SMG7: variants seen among roughly 807,000 people sequenced by gnomAD.
SMG7 encodes the protein nonsense-mediated mRNA decay factor SMG7.
Under a neutral mutation model 148.2 loss-of-function variants are expected in SMG7, and 34 were observed. The observed-to-expected ratio is 0.23, with a 90% CI of 0.17 to 0.31. The LOEUF (loss-of-function observed/expected upper bound fraction) is 0.31. Ranked by LOEUF, SMG7 falls within the 10% of genes least tolerant of loss-of-function variation. SMG7 has a pLI of 1.00. For synonymous variants in SMG7, 492 were observed against 515.1 expected (o/e 0.96, Z 0.61); for missense variants, 1,114 against 1,408.4 (o/e 0.79, Z 3.35).
intron 10 of SMG7, among the ~76,000 whole-genome samples, chr1:183,536,754 C>G (rs1182634624): frequency 1.3e-5 from 2 of 152,150 alleles, no homozygotes; most frequent in Admixed American, 1.3e-4. Flanking sequence ...GATTAAAGAA[C>G]TAACAGCGGC....
In SMG7 at chr1:183,553,559, T is replaced by C. The variant is rs1302183761; in HGVS notation, c.*1628T>C. ...ACTGCAGTCTGGGCAACCCCAGCAA[T>C]GAAAAGGGGTGAGATAACGCTCATT... On this transcript the variant is annotated 3_prime_UTR_variant, in exon 23 of 23. Transcript: ENST00000688051. The C allele has an allele frequency of 1.5e-5, 3 of 205,432 alleles. No homozygotes were observed. Among genetic ancestry groups the C allele is most frequent in the African/African-American group, 7.1e-5 (3 of 41,998 alleles). The allele number at this position is 205,432 out of a possible 1,614,324, so 12.7% of individuals were successfully genotyped here. A position where few individuals can be genotyped will look rare whatever the true frequency, so the allele number is the denominator to read the frequency against.
At position 183,517,598 on chromosome 1, in the gene SMG7, A is replaced by G. The variant is rs770515526; in HGVS notation, c.180-90A>G. ...GTTTACTGTCTCGTGTGGTATAATTATAACAGACAGTTCTTTCTTGTTCTC... is the reference window on the plus strand; with the variant it reads ...GTTTACTGTCTCGTGTGGTATAATTGTAACAGACAGTTCTTTCTTGTTCTC... On this transcript the variant is annotated intron_variant, in intron 3 of 22. Coordinates refer to ENST00000688051, the MANE Select transcript of SMG7 (RefSeq NM_001375584.1). 1.8e-5 allele frequency: 22 copies of G among 1,208,556 alleles called. No homozygotes were observed. In the South Asian group the frequency reaches 2.4e-4, roughly 13 times the overall value. The allele number at this position is 1,208,556 out of a possible 1,614,324, so 74.9% of individuals were successfully genotyped here. A position where few individuals can be genotyped will look rare whatever the true frequency, so the allele number is the denominator to read the frequency against.
chr1:183,512,655 C>A (rs566011246), intron 1 of SMG7, among the ~76,000 whole-genome samples, 182 bp from the exon 2 acceptor site: 33 of 152,158 alleles, frequency 2.2e-4, no homozygotes, highest in Admixed American at 1.1e-3. Context: ...ATTAATTTGC[C>A]AAGACCTTGT....
chr1:183,482,234 G>T (rs538972032), intron 1 of SMG7, among the ~76,000 whole-genome samples: 1 of 151,498 alleles, frequency 6.6e-6, no homozygotes, highest in Non-Finnish European at 1.5e-5. Context: ...GGGGGTGGGG[G>T]GTCTAAGGTT....
intron 4 of SMG7, among the ~76,000 whole-genome samples, chr1:183,520,645 T>G (rs1664558824): frequency 6.6e-6 from 1 of 152,174 alleles, no homozygotes; most frequent in Admixed American, 6.5e-5. Context: ...CAGTACATTT[T>G]TATAATAGCC....
At chr1:183,518,450 G>A (rs904415483) in intron 4 of SMG7, among the ~76,000 whole-genome samples, 2 of 152,092 alleles carry the variant, frequency 1.3e-5, no homozygotes, top group Non-Finnish European at 2.9e-5. Context: ...TATAGCTATA[G>A]TCATTAAAAT....
At chr1:183,544,860 A>G (rs1010647501) in intron 15 of SMG7, 70 bp from the exon 16 acceptor site, 2 of 1,532,366 alleles carry the variant, frequency 1.3e-6, no homozygotes, top group South Asian at 1.2e-5. Flanking sequence ...ACCTGTTAAA[A>G]AAAAAATGAC....
chr1:183,549,335 G>T, intron 19 of SMG7, 47 bp downstream of exon 19: 4 of 1,290,938 alleles, frequency 3.1e-6, no homozygotes, highest in South Asian at 1.2e-5. Flanking sequence ...AGTGTAGACT[G>T]ATCATTGTCT....
chr1:183,481,738 C>G (rs1654172933), intron 1 of SMG7, among the ~76,000 whole-genome samples: 1 of 152,126 alleles, frequency 6.6e-6, no homozygotes, highest in Non-Finnish European at 1.5e-5. Flanking sequence ...CAAGGAATTC[C>G]ATGAGTGTAC....
chr1:183,514,249 C>G (rs1268000260), intron 2 of SMG7, among the ~76,000 whole-genome samples: 5 of 150,460 alleles, frequency 3.3e-5, no homozygotes, highest in Admixed American at 1.3e-4. Context: ...AAACAGCATA[C>G]CTGCCAAGAT....
Position 183,544,388 on chromosome 1 carries a change from G to T in SMG7, c.1878G>T (p.Val626=). ...KSQTELRKTP[V]SEARKTPVTQ... ...AGACAGAACTAAGAAAGACTCCAGT[G>T]TCTGAAGCCAGAAAAACACCTGTAA... The change falls in exon 15 of 23, where the codon GTG becomes GTT. Residue 626 remains valine, a synonymous_variant. Coordinates refer to ENST00000688051, the MANE Select transcript of SMG7 (RefSeq NM_001375584.1). 6.2e-7 allele frequency: 1 copy of T among 1,613,880 alleles called. No individual in the cohort carries two copies. Among genetic ancestry groups the T allele is most frequent in the Non-Finnish European group, 8.5e-7 (1 of 1,179,834 alleles).
chr1:183,493,085 C>CA (rs1212669911), intron 1 of SMG7, among the ~76,000 whole-genome samples: 3 of 152,178 alleles, frequency 2.0e-5, no homozygotes, highest in African/African-American at 7.2e-5. Flanking sequence ...CCTCCCACCT[C>CA]AGCCTCCTGA....
chr1:183,477,782 G>T (rs1322716220), intron 1 of SMG7, among the ~76,000 whole-genome samples: 1 of 151,972 alleles, frequency 6.6e-6, no homozygotes. Flanking sequence ...GTGTGTATGT[G>T]TGTATGTATA....
intron 1 of SMG7, among the ~76,000 whole-genome samples, chr1:183,494,678 T>C (rs999835000): frequency 4.6e-5 from 7 of 151,042 alleles, no homozygotes; most frequent in Non-Finnish European, 1.0e-4. Flanking sequence ...TGGCATTTTT[T>C]CCCTAGTATT....
At chr1:183,544,530 C>T (rs1468507905) in intron 15 of SMG7, 33 bp downstream of exon 15, 1 of 1,602,290 alleles carries the variant, frequency 6.2e-7, no homozygotes, top group African/African-American at 1.3e-5. Flanking sequence ...TCTACTTAAT[C>T]TTTTCTGTGC....
chr1:183,526,646 G>A lies in SMG7; in HGVS notation c.363G>A (p.Val121=), dbSNP rs1403686860. ...TTAATGTAGATTTACCATGCCGTGT[G>A]AAGTCTTCCCAATTGGGAATTATCA... ...TVFNVDLPCR[V]KSSQLGIISN... is the part of the protein sequence containing the mutation. Residue 121 remains valine (V), a synonymous_variant, in exon 5 of 23, where the codon GTG becomes GTA. Coordinates refer to ENST00000688051, the MANE Select transcript of SMG7 (RefSeq NM_001375584.1). The A allele has an allele frequency of 3.1e-6, 5 of 1,613,594 alleles. No homozygotes were observed. The highest frequency in any genetic ancestry group is 2.2e-5 in the East Asian group (1 of 44,874).
At chr1:183,504,128 T>G (rs1660370507) in intron 1 of SMG7, among the ~76,000 whole-genome samples, 1 of 152,188 alleles carries the variant, frequency 6.6e-6, no homozygotes, top group Non-Finnish European at 1.5e-5. Context: ...CTGACTTTTA[T>G]TGTATTGAAA....
rs200949233 is a variant in SMG7 at position 183,506,671 on chromosome 1, GA to G, written c.30-6160del. On this transcript the variant is annotated intron_variant, in intron 1 of 22. Coordinates refer to ENST00000688051, the MANE Select transcript of SMG7 (RefSeq NM_001375584.1). ...AATTTCTTAAAAAAAAAAAAAACAC[GA>G]AAAAACTCCCAGCGTGTTCTCCCAA... 5.9e-3 allele frequency among the ~76,000 whole-genome samples: 875 copies of G among 147,942 alleles called. 10 individuals are homozygous for G. The highest frequency in any genetic ancestry group is 0.02 in the African/African-American group (809 of 40,420).
intron 1 of SMG7, among the ~76,000 whole-genome samples, chr1:183,478,263 T>C (rs1292283671): frequency 1.3e-5 from 2 of 152,160 alleles, no homozygotes; most frequent in Non-Finnish European, 2.9e-5. Context: ...CTTCTTCACC[T>C]GCCCCATCCC....
Sources: gnomAD v4.1 joint callset for allele counts (sites outside exome capture counted in the v4.1 genomes callset) on GRCh38, gnomAD v4.1.1 for gene constraint, MANE v1.5 for transcripts, NCBI Gene and HGNC (gene_info 2026-07-23, HGNC 2026-07-21) for gene names.